The following LOXL2 variants were observed in gnomAD, a reference collection of about 807,000 sequenced individuals.
LOXL2 encodes lysyl oxidase like 2.
LOXL2 carries 70 observed loss-of-function variants against 93.0 expected under a neutral mutation model. The ratio of observed to expected loss-of-function variants is 0.75; its 90% CI spans 0.62 to 0.92. The LOEUF is 0.92. LOXL2 is among the 40% of genes least tolerant of loss of function. The pLI, the probability that LOXL2 is intolerant of heterozygous loss-of-function variation, is 0.00. For synonymous variants in LOXL2, 438 were observed against 413.2 expected, an observed-to-expected ratio of 1.06 and a Z score of -0.73; for missense variants, 973 against 1,054.9, an observed-to-expected ratio of 0.92 and a Z score of 1.08.
At position 23,298,932 on chromosome 8, in the gene LOXL2, T is replaced by G. The variant is rs1005158431; in HGVS notation, c.2149A>C (p.Asn717His). 6.2e-7 allele frequency: 1 copy of G among 1,611,582 alleles called. No individual in the cohort carries two copies. Among genetic ancestry groups the G allele is most frequent in the Non-Finnish European group, 8.5e-7 (1 of 1,177,810 alleles). ...TAATCGGATTCTGCAACCTCGAAGTTGGGGTTAATAACAACCTAGGGAGAA... is the reference window on the plus strand; with the variant it reads ...TAATCGGATTCTGCAACCTCGAAGTGGGGGTTAATAACAACCTAGGGAGAA... Reference protein sequence around the residue: ...DYLFQVVINPNFEVAESDYSN... With the variant: ...DYLFQVVINPHFEVAESDYSN... Residue 717 changes from asparagine to histidine, a missense_variant, in exon 13 of 14, where the codon AAC (asparagine) becomes CAC (histidine). Asn to His is a moderately conservative substitution (Grantham distance 68). Transcript: ENST00000389131.
intron 10 of LOXL2, among the ~76,000 whole-genome samples, chr8:23,304,422 A>T (rs1345803924): frequency 2.0e-5 from 3 of 152,164 alleles, no homozygotes; most frequent in Admixed American, 6.5e-5. Context: ...TCTTAGCCCG[A>T]TCCCAACCTG....
rs79815062 is a variant in LOXL2 at position 23,331,078 on chromosome 8, T to G, written c.966+2323A>C. On this transcript the variant is annotated intron_variant, in intron 5 of 13. Coordinates refer to ENST00000389131, the MANE Select transcript of LOXL2 (RefSeq NM_002318.3). ...GTTCAAATCTCCACCAAGCCTGGGA[T>G]GGGGGCACCCAGTGTGGTTTATCCG... Among the ~76,000 whole-genome samples the G allele has an allele frequency of 8.4e-3, 1,279 of 152,268 alleles. 78 individuals carry two copies. In the East Asian group the frequency reaches 0.16, roughly 19 times the overall value.
chr8:23,367,899 G>A (rs572290544), intron 2 of LOXL2, 98 bp downstream of exon 2: 14 of 930,878 alleles, frequency 1.5e-5, no homozygotes, highest in East Asian at 2.5e-5. Context: ...TTTACACTTC[G>A]CAGTGCGTGC....
At position 23,360,946 on chromosome 8, in the gene LOXL2, G is replaced by A. The variant is rs369023061; in HGVS notation, c.356-681C>T. Among the ~76,000 whole-genome samples, 11 of 152,008 alleles carry A rather than the reference G, an allele frequency of 7.2e-5. No individual in the cohort carries two copies. In the East Asian group the frequency reaches 2.1e-3, roughly 30 times the overall value. On this transcript the variant is annotated intron_variant, in intron 2 of 13. Coordinates refer to ENST00000389131, the MANE Select transcript of LOXL2 (RefSeq NM_002318.3). ...AGACAGAGTCTTGCTCTGTCGCCAG[G>A]CTGGAGTGCAGTGGCGTGATCTTGG...
At chr8:23,302,697 C>G (rs1382816635) in intron 11 of LOXL2, among the ~76,000 whole-genome samples, 1 of 152,176 alleles carries the variant, frequency 6.6e-6, no homozygotes, top group African/African-American at 2.4e-5. Flanking sequence ...AGCTGCCATG[C>G]CTGGACACTG....
intron 1 of LOXL2, among the ~76,000 whole-genome samples, chr8:23,395,700 A>G (rs1456582280): frequency 6.6e-6 from 1 of 151,990 alleles, no homozygotes; most frequent in Non-Finnish European, 1.5e-5. Flanking sequence ...CTTTATTATT[A>G]TTATTTTATT....
chr8:23,301,751 C>T (rs1432212525), intron 12 of LOXL2, among the ~76,000 whole-genome samples: 1 of 152,188 alleles, frequency 6.6e-6, no homozygotes, highest in Admixed American at 6.5e-5. Flanking sequence ...CAAATCTAGC[C>T]TGCTGATGAG....
chr8:23,340,915 C>T, intron 4 of LOXL2, 77 bp downstream of exon 4: 1 of 1,346,162 alleles, frequency 7.4e-7, no homozygotes, highest in Non-Finnish European at 1.1e-6. Context: ...GAAAGGCCAC[C>T]ACCAGGGCGG....
chr8:23,377,628 T>C (rs1434898017), intron 1 of LOXL2, among the ~76,000 whole-genome samples: 1 of 152,222 alleles, frequency 6.6e-6, no homozygotes, highest in Non-Finnish European at 1.5e-5. Context: ...TGCTCCTGCA[T>C]TGGGTGCATA....
At chr8:23,349,936 T>C (rs1408194267) in intron 3 of LOXL2, among the ~76,000 whole-genome samples, 2 of 152,112 alleles carry the variant, frequency 1.3e-5, no homozygotes, top group Non-Finnish European at 2.9e-5. Context: ...ATAAAGACTC[T>C]TTTTATTCTT....
intron 4 of LOXL2, among the ~76,000 whole-genome samples, chr8:23,339,121 T>C (rs1313512947): frequency 6.6e-6 from 1 of 152,052 alleles, no homozygotes; most frequent in African/African-American, 2.4e-5. Flanking sequence ...TCCCAGCACC[T>C]TTCTCTTTGG....
At chr8:23,401,926 C>G (rs1800155867) in intron 1 of LOXL2, among the ~76,000 whole-genome samples, 1 of 152,256 alleles carries the variant, frequency 6.6e-6, no homozygotes, top group African/African-American at 2.4e-5. Context: ...AACTTTGCCA[C>G]TCAATGCCTA....
At position 23,298,075 on chromosome 8, in the gene LOXL2, C is replaced by T. The variant is rs762092024; in HGVS notation, c.2293G>A (p.Gly765Arg). ...ETEKKFEHFSGLLNNQLSPQ is the reference protein window; with the variant it reads ...ETEKKFEHFSRLLNNQLSPQ ...GGGGACAGCTGGTTGTTTAAGAGCC[C>T]GCTGAAGTGCTCAAACTTTTTTTCC... The change falls in exon 14 of 14, where the codon GGG becomes AGG. Residue 765 changes from glycine (G) to arginine (R), a missense_variant. Transcript: ENST00000389131. 3.1e-5 allele frequency: 50 copies of T among 1,613,770 alleles called. No homozygotes were observed. The highest frequency in any genetic ancestry group is 3.8e-5 in the Non-Finnish European group (45 of 1,180,026).
intron 10 of LOXL2, among the ~76,000 whole-genome samples, chr8:23,304,167 A>G (rs1803188383): frequency 6.6e-6 from 1 of 152,228 alleles, no homozygotes; most frequent in South Asian, 2.1e-4. Context: ...GGGGTTCCAG[A>G]AAAGAGTTCT....
At chr8:23,320,183 C>A in intron 7 of LOXL2, 131 bp from the exon 8 acceptor site, 2 of 964,086 alleles carry the variant, frequency 2.1e-6, no homozygotes, top group African/African-American at 3.3e-5. Context: ...GATTCAGCAG[C>A]ACCCTTGGGA....
chr8:23,342,462 C>T (rs1158756666), intron 3 of LOXL2, among the ~76,000 whole-genome samples: 7 of 149,160 alleles, frequency 4.7e-5, no homozygotes, highest in Admixed American at 6.7e-5. Context: ...GACGGAGTCT[C>T]GCTCTGTCGC....
chr8:23,318,746 C>T (rs1182094335), intron 8 of LOXL2, among the ~76,000 whole-genome samples: 1 of 152,218 alleles, frequency 6.6e-6, no homozygotes, highest in Non-Finnish European at 1.5e-5. Flanking sequence ...AGTGCCCTGG[C>T]TTGTCATAAA....
At chr8:23,377,333 A>C (rs1444505487) in intron 1 of LOXL2, among the ~76,000 whole-genome samples, 1 of 152,198 alleles carries the variant, frequency 6.6e-6, no homozygotes, top group Non-Finnish European at 1.5e-5. Context: ...GTTCTTTCAC[A>C]TTCACTGAGG....
At chr8:23,360,003 A>G (rs1389305325) in intron 3 of LOXL2, 87 bp downstream of exon 3, 1 of 1,273,090 alleles carries the variant, frequency 7.9e-7, no homozygotes, top group Non-Finnish European at 1.1e-6. Flanking sequence ...GCTCACACAC[A>G]CTTCTTGAAA....
Sources: gnomAD v4.1 joint callset for allele counts (sites outside exome capture counted in the v4.1 genomes callset) on GRCh38, gnomAD v4.1.1 for gene constraint, MANE v1.5 for transcripts, NCBI Gene and HGNC (gene_info 2026-07-23, HGNC 2026-07-21) for gene names.